Variants in PROCR observed in about 807,000 individuals in gnomAD.
PROCR encodes the protein endothelial protein C receptor.
In PROCR, 22 loss-of-function variants were observed where a neutral mutation model predicts 24.2. That is an observed-to-expected ratio of 0.91 (90% CI 0.65 to 1.30). The LOEUF is 1.30. Ranked by LOEUF, PROCR falls within the 50% of genes most tolerant of loss-of-function variation. The pLI is 0.00. For missense variants in PROCR, 288 were observed against 307.7 expected (o/e 0.94, Z 0.48); for synonymous variants, 137 against 139.2 (o/e 0.98, Z 0.11).
At chr20:35,195,607 G>A (rs1460634761) in intron 1 of PROCR, among the ~76,000 whole-genome samples, 6 of 152,076 alleles carry the variant, frequency 3.9e-5, no homozygotes, top group Non-Finnish European at 8.8e-5. Flanking sequence ...GATCACCTGA[G>A]GTCACGAGTT....
At chr20:35,211,233 A>G (rs2060361780) in intron 1 of PROCR, among the ~76,000 whole-genome samples, 1 of 152,186 alleles carries the variant, frequency 6.6e-6, no homozygotes, top group Admixed American at 6.5e-5. Context: ...ACTGGGGGCA[A>G]TCTGAAACTA....
downstream of PROCR, among the ~76,000 whole-genome samples, chr20:35,180,413 C>T (rs578093215): frequency 2.2e-4 from 34 of 152,262 alleles, no homozygotes; most frequent in Admixed American, 2.6e-4. Flanking sequence ...TGCCCTCACT[C>T]GGTGCCTAAG....
intron 1 of PROCR, among the ~76,000 whole-genome samples, chr20:35,191,303 G>C (rs773344639): frequency 6.6e-6 from 1 of 151,914 alleles, no homozygotes; most frequent in Admixed American, 6.6e-5. Flanking sequence ...TTATTGAGTC[G>C]GGTCACTAGA....
At chr20:35,205,777 A>ATATATATATATATATATATATG (rs2060337830) in intron 1 of PROCR, among the ~76,000 whole-genome samples, 1 of 137,754 alleles carries the variant, frequency 7.3e-6, no homozygotes, top group African/African-American at 2.8e-5. Flanking sequence ...ATATATATAT[A>ATATATATATATATATATATATG]TATATATATA....
Position 35,174,847 on chromosome 20 carries a change from CT to C in PROCR, c.218del (p.Leu73CysfsTer38). ...TNTTIIQLQP[L>X]QEPESWARTQ... ...ACACCACGATCATTCAGCTGCAGCCCTTGCAGGAGCCCGAGAGCTGGGCGCG... is the reference window on the plus strand; with the variant it reads ...ACACCACGATCATTCAGCTGCAGCCCTGCAGGAGCCCGAGAGCTGGGCGCG... On this transcript the variant is annotated frameshift_variant, in exon 2 of 4. Transcript: ENST00000216968. LOFTEE classifies it high-confidence loss of function. The C allele has an allele frequency of 6.2e-7, 1 of 1,614,050 alleles. No homozygotes were observed. The highest frequency in any genetic ancestry group is 1.3e-5 in the African/African-American group (1 of 75,030).
intron 1 of PROCR, among the ~76,000 whole-genome samples, chr20:35,199,700 A>C (rs1048836959): frequency 6.6e-6 from 1 of 151,328 alleles, no homozygotes; most frequent in East Asian, 1.9e-4. Flanking sequence ...GTGAGCCAAG[A>C]TCATGCCACT....
At chr20:35,211,364 G>A (rs2060362266) in intron 1 of PROCR, among the ~76,000 whole-genome samples, 2 of 152,144 alleles carry the variant, frequency 1.3e-5, no homozygotes, top group Admixed American at 6.6e-5. Flanking sequence ...TGGCTTGCGG[G>A]AGCCTCCAAA....
chr20:35,194,557 G>C (rs1168143346), intron 1 of PROCR, among the ~76,000 whole-genome samples: 2 of 152,158 alleles, frequency 1.3e-5, no homozygotes, highest in Admixed American at 1.3e-4. Context: ...GTTCCTCTAG[G>C]GAGGAAAGAG....
At chr20:35,176,001 CCCT>C (rs1196557324) in intron 2 of PROCR, among the ~76,000 whole-genome samples, 164 bp from the exon 3 acceptor site, 2 of 152,072 alleles carry the variant, frequency 1.3e-5, no homozygotes, top group African/African-American at 4.8e-5. Context: ...AACCCCAAAC[CCCT>C]CCTCACAGCC....
downstream of PROCR, among the ~76,000 whole-genome samples, chr20:35,181,272 A>ATTTT (rs376771177): frequency 0.52 from 77,920 of 150,486 alleles, 20,302 homozygotes; most frequent in South Asian, 0.65. Flanking sequence ...ATTTTAATTT[A>ATTTT]ATTTTATTTT....
At chr20:35,202,019 A>C (rs2060319970) in intron 1 of PROCR, 1 of 152,214 alleles carries the variant, frequency 6.6e-6, no homozygotes, top group Non-Finnish European at 1.5e-5. Context: ...GGAAATCAAA[A>C]AGGATATATC....
At chr20:35,196,540 G>C (rs1317587529) in intron 1 of PROCR, among the ~76,000 whole-genome samples, 2 of 152,062 alleles carry the variant, frequency 1.3e-5, no homozygotes, top group Non-Finnish European at 2.9e-5. Context: ...TTTCATCAGA[G>C]ACCATGGAAG....
chr20:35,185,543 T>G (rs1446477950), intron 1 of PROCR, among the ~76,000 whole-genome samples: 3 of 152,038 alleles, frequency 2.0e-5, no homozygotes, highest in African/African-American at 7.2e-5. Context: ...TATGATGGAG[T>G]ACTACTCAGC....
chr20:35,203,477 C>T (rs1305912904), intron 1 of PROCR, among the ~76,000 whole-genome samples: 3 of 151,590 alleles, frequency 2.0e-5, no homozygotes, highest in Non-Finnish European at 4.4e-5. Flanking sequence ...AACTCTTGGG[C>T]GTGATAGTGC....
At chr20:35,212,028 A>C (rs988027064) in intron 1 of PROCR, among the ~76,000 whole-genome samples, 2 of 152,154 alleles carry the variant, frequency 1.3e-5, no homozygotes, top group Non-Finnish European at 1.5e-5. Flanking sequence ...AAGAAAAAAA[A>C]AAACAAACAC....
In PROCR at chr20:35,210,905, G is replaced by T. The variant is rs367648093; in HGVS notation, c.95-4988G>T. Among the ~76,000 whole-genome samples the T allele has an allele frequency of 7.9e-5, 12 of 152,120 alleles. No individual in the cohort carries two copies. In the East Asian group the frequency reaches 2.1e-3, roughly 27 times the overall value. ...TTTTTGTATTTTTAGTAGAGACAGG[G>T]TTTCACCATGTTGGCCAGGCTGGTC... On this transcript the variant is annotated intron_variant, in intron 1 of 1. Transcript: ENST00000634509.
downstream of PROCR, among the ~76,000 whole-genome samples, chr20:35,178,923 T>A (rs897164516): frequency 2.0e-5 from 3 of 151,240 alleles, no homozygotes; most frequent in Middle Eastern, 3.2e-3. Flanking sequence ...AATAAAAGTA[T>A]ATATGTAAAA....
chr20:35,197,129 TTTTTCTTTTGTAGAGA>T (rs1490366391), intron 1 of PROCR, among the ~76,000 whole-genome samples: 4 of 152,212 alleles, frequency 2.6e-5, no homozygotes, highest in South Asian at 2.1e-4. Context: ...TCAAACTTGT[TTTTTCTTTTGTAGAGA>T]CAAGGTCTCA....
intron 1 of PROCR, among the ~76,000 whole-genome samples, chr20:35,215,204 C>T (rs1600760116): frequency 1.3e-5 from 2 of 152,254 alleles, no homozygotes; most frequent in Non-Finnish European, 2.9e-5. Context: ...AGCCACAGCG[C>T]CCGGCCTTTT....
Sources: allele counts gnomAD v4.1 joint callset (sites outside exome capture counted in the v4.1 genomes callset), GRCh38; gene constraint gnomAD v4.1.1; transcripts MANE v1.5; gene names NCBI Gene and HGNC (gene_info 2026-07-23, HGNC 2026-07-21).